Variants in PARP4 observed in about 807,000 individuals in gnomAD.
PARP4 encodes the protein protein mono-ADP-ribosyltransferase PARP4.
In PARP4, 120 loss-of-function variants were observed where a neutral mutation model predicts 187.7. The observed-to-expected ratio is 0.64, with a 90% CI of 0.55 to 0.74. The LOEUF is 0.74. PARP4 is among the 30% of genes least tolerant of loss of function. The pLI, the probability that PARP4 is intolerant of heterozygous loss-of-function variation, is 0.00. For synonymous variants in PARP4, 654 were observed against 740.9 expected, an observed-to-expected ratio of 0.88 and a Z score of 1.90; for missense variants, 1,836 against 2,070.5, an observed-to-expected ratio of 0.89 and a Z score of 2.20.
intron 12 of PARP4, among the ~76,000 whole-genome samples, chr13:24,483,078 G>C (rs1197889177): frequency 6.6e-6 from 1 of 151,700 alleles, no homozygotes. Context: ...TGGATGTAGT[G>C]GTTCAGTCAT....
intron 17 of PARP4, among the ~76,000 whole-genome samples, chr13:24,462,475 C>G (rs553003770): frequency 6.6e-6 from 1 of 152,320 alleles, no homozygotes; most frequent in Admixed American, 6.5e-5. Flanking sequence ...TTATTTCAGT[C>G]TCTCTTCTTC....
At position 24,456,279 on chromosome 13, in the gene PARP4, C is replaced by T. The variant is rs146325412; in HGVS notation, c.2562+62G>A. On this transcript the variant is annotated intron_variant, in intron 21 of 33. Coordinates refer to ENST00000381989, the MANE Select transcript of PARP4 (RefSeq NM_006437.4). ...GACAATCAATAATTTGCAAGTTTAA[C>T]CAGCTTATTCTGAAACATTTTTTCA... 6.0e-4 allele frequency: 815 copies of T among 1,362,702 alleles called. 8 individuals are homozygous for T. In the African/African-American group the frequency reaches 0.01, roughly 17 times the overall value. The allele number at this position is 1,362,702 out of a possible 1,614,324, so 84.4% of individuals were successfully genotyped here.
intron 33 of PARP4, among the ~76,000 whole-genome samples, chr13:24,424,350 C>T (rs1869907965): frequency 6.6e-6 from 1 of 151,990 alleles, no homozygotes; most frequent in African/African-American, 2.4e-5. Context: ...ACAGGTTCTG[C>T]TCCTCAACCT....
At chr13:24,499,510 A>G (rs1869157432) in intron 4 of PARP4, 134 bp from the exon 5 acceptor site, 1 of 681,420 alleles carries the variant, frequency 1.5e-6, no homozygotes, top group Non-Finnish European at 2.3e-6. Flanking sequence ...GTAAGTCCAC[A>G]TGGTAAGTCC....
At position 24,453,611 on chromosome 13, in the gene PARP4, A is replaced by G; in HGVS notation, c.2802T>C (p.Asn934=). 6.2e-7 allele frequency: 1 copy of G among 1,604,048 alleles called. No homozygotes were observed. The highest frequency in any genetic ancestry group is 8.5e-7 in the Non-Finnish European group (1 of 1,170,906). The change falls in exon 23 of 34, where the codon AAT becomes AAC. Residue 934 remains asparagine, a synonymous_variant. Coordinates refer to ENST00000381989, the MANE Select transcript of PARP4 (RefSeq NM_006437.4). ...CCATGATGAACTCTGCTGCCATGGT[A>G]TTGCTTGTGATATGCTTAGGATACG... is the stretch of plus-strand genomic sequence containing the variant. ...LFSYPKHITS[N]TMAAEFIMSA...
intron 22 of PARP4, among the ~76,000 whole-genome samples, chr13:24,454,287 G>A (rs967084613): frequency 6.6e-6 from 1 of 152,202 alleles, no homozygotes; most frequent in Non-Finnish European, 1.5e-5. Context: ...CTCTGCTCAC[G>A]CCCTTTGCAC....
chr13:24,512,270 C>G (rs1870054987), intron 1 of PARP4, among the ~76,000 whole-genome samples: 1 of 152,230 alleles, frequency 6.6e-6, no homozygotes, highest in African/African-American at 2.4e-5. Context: ...TTCCCAATGA[C>G]TCACGAGGTC....
chr13:24,467,972 A>G (rs1377635200), intron 17 of PARP4, among the ~76,000 whole-genome samples: 5 of 149,906 alleles, frequency 3.3e-5, no homozygotes, highest in Non-Finnish European at 5.9e-5. Flanking sequence ...GCAGGTGGAT[A>G]TCTTAGATGT....
At chr13:24,450,114 T>C (rs187306609) in intron 24 of PARP4, among the ~76,000 whole-genome samples, 2 of 152,132 alleles carry the variant, frequency 1.3e-5, no homozygotes, top group African/African-American at 4.8e-5. Context: ...AACAACCCTA[T>C]AAGGTATCAG....
chr13:24,434,089 C>G (rs1013807185), intron 31 of PARP4, among the ~76,000 whole-genome samples: 11 of 152,198 alleles, frequency 7.2e-5, no homozygotes, highest in Non-Finnish European at 1.5e-4. Flanking sequence ...GATCTCACCC[C>G]ATCATCTGTT....
At chr13:24,494,755 CATT>C in intron 6 of PARP4, 33 bp from the exon 7 acceptor site, 15 of 1,455,518 alleles carry the variant, frequency 1.0e-5, no homozygotes, top group Non-Finnish European at 1.4e-5. Flanking sequence ...AAAGTACAGT[CATT>C]ATTTACATAT....
Position 24,500,397 on chromosome 13 carries a change from A to C in PARP4, c.335-15T>G. 1.9e-6 allele frequency: 3 copies of C among 1,571,556 alleles called. No homozygotes were observed. Among genetic ancestry groups the C allele is most frequent in the Non-Finnish European group, 1.7e-6 (2 of 1,148,052 alleles). ...TGTTTTCACTTCTAGAATTAAAAGC[A>C]AACAGCACACTTGTTTACTGCCCAA... On this transcript the variant is annotated splice_polypyrimidine_tract_variant and intron_variant, in intron 3 of 33. Coordinates refer to ENST00000381989, the MANE Select transcript of PARP4 (RefSeq NM_006437.4).
chr13:24,440,398 A>C (rs1320478990), intron 30 of PARP4, among the ~76,000 whole-genome samples: 1 of 43,450 alleles, frequency 2.3e-5, no homozygotes, highest in Non-Finnish European at 4.4e-5. Context: ...ACTCTATCTC[A>C]AAAAAAAAAA....
At chr13:24,429,636 C>T (rs1870234119) in intron 32 of PARP4, among the ~76,000 whole-genome samples, 1 of 152,146 alleles carries the variant, frequency 6.6e-6, no homozygotes, top group Non-Finnish European at 1.5e-5. Flanking sequence ...AATTTGGTGC[C>T]ACTTGAACTC....
intron 10 of PARP4, among the ~76,000 whole-genome samples, chr13:24,487,795 A>C (rs61948876): frequency 0.11 from 16,942 of 149,630 alleles, no homozygotes; most frequent in African/African-American, 0.2. Context: ...TTTCCTTCAC[A>C]GAGCTGGCTT....
At chr13:24,429,569 T>C (rs1406158841) in intron 32 of PARP4, among the ~76,000 whole-genome samples, 2 of 152,230 alleles carry the variant, frequency 1.3e-5, no homozygotes, top group African/African-American at 4.8e-5. Flanking sequence ...GATCATGAGA[T>C]ATGATCCTTA....
chr13:24,485,004 C>T (rs1233902658), intron 11 of PARP4, among the ~76,000 whole-genome samples: 1 of 152,184 alleles, frequency 6.6e-6, no homozygotes, highest in African/African-American at 2.4e-5. Context: ...ACTTAGAAAG[C>T]TCATCCCTAC....
rs1869357988 is a variant in PARP4, at chr13:24,502,513, C to T, written c.133-679G>A. The stretch of plus-strand genomic sequence containing the variant: ...AGCTACACTATGCGTAGATACATGG[C>T]AGCGTGCTCCTCAGCCTCTTCCGTG... On this transcript the variant is annotated intron_variant, in intron 2 of 33. Coordinates refer to ENST00000381989, the MANE Select transcript of PARP4 (RefSeq NM_006437.4). Among the ~76,000 whole-genome samples the T allele has an allele frequency of 2.0e-5, 3 of 152,254 alleles. No homozygotes were observed. The South Asian group carries it at 6.2e-4, about 32-fold the overall frequency.
intron 30 of PARP4, among the ~76,000 whole-genome samples, chr13:24,438,187 G>C (rs1247924292): frequency 6.6e-6 from 1 of 152,222 alleles, no homozygotes; most frequent in East Asian, 1.9e-4. Context: ...CAACCTTTAT[G>C]GCAGTGGGGA....
Sources: allele counts gnomAD v4.1 joint callset (sites outside exome capture counted in the v4.1 genomes callset), GRCh38; gene constraint gnomAD v4.1.1; transcripts MANE v1.5; gene names NCBI Gene and HGNC (gene_info 2026-07-23, HGNC 2026-07-21).